Variants in GNA14 observed in about 807,000 individuals in gnomAD.
GNA14 encodes the protein G protein subunit alpha 14.
In GNA14, 50 loss-of-function variants were observed where a neutral mutation model predicts 42.0. The observed-to-expected ratio is 1.19, with a 90% CI of 0.95 to 1.51. The LOEUF (loss-of-function observed/expected upper bound fraction) is 1.51, where lower values mean the gene tolerates loss of function less well. Among genes scored for constraint, GNA14 ranks in the 40% most tolerant of loss-of-function variants. GNA14 has a pLI of 0.00. For missense variants in GNA14, 473 were observed against 446.2 expected (o/e 1.06, Z -0.54); for synonymous variants, 173 against 163.1 (o/e 1.06, Z -0.46).
In GNA14 at chr9:77,495,220, G is replaced by A. The variant is rs150241168; in HGVS notation, c.309+33849C>T. On this transcript the variant is annotated intron_variant, in intron 2 of 6. Transcript: ENST00000341700. ...GTAAGATGCCAGGCTGCTACACAGCGAATGGGCTGCCTTAGAGGAGTTGTG... is the reference window on the plus strand; with the variant it reads ...GTAAGATGCCAGGCTGCTACACAGCAAATGGGCTGCCTTAGAGGAGTTGTG... Among the ~76,000 whole-genome samples, 661 of 152,158 alleles carry A rather than the reference G, an allele frequency of 4.3e-3. 4 individuals carry two copies. Among genetic ancestry groups the A allele is most frequent in the African/African-American group, 0.015 (617 of 41,498 alleles).
At chr9:77,574,084 C>T (rs1468201540) in intron 1 of GNA14, among the ~76,000 whole-genome samples, 1 of 152,042 alleles carries the variant, frequency 6.6e-6, no homozygotes, top group East Asian at 1.9e-4. Flanking sequence ...GAGAAAGGAT[C>T]GCTTGAGGCC....
At chr9:77,532,463 C>T (rs559468899) in intron 1 of GNA14, among the ~76,000 whole-genome samples, 63 of 152,312 alleles carry the variant, frequency 4.1e-4, no homozygotes, top group African/African-American at 1.4e-3. Flanking sequence ...ATCAATCTGT[C>T]TTATAATGAC....
chr9:77,486,181 C>T (rs1398950718), intron 2 of GNA14, among the ~76,000 whole-genome samples: 1 of 152,230 alleles, frequency 6.6e-6, no homozygotes, highest in Non-Finnish European at 1.5e-5. Flanking sequence ...GGATAACTTG[C>T]TGCAGCTTCT....
At chr9:77,501,264 A>G (rs933469424) in intron 2 of GNA14, among the ~76,000 whole-genome samples, 1 of 152,042 alleles carries the variant, frequency 6.6e-6, no homozygotes, top group African/African-American at 2.4e-5. Context: ...TGCACTCTTA[A>G]TATAAGAAAC....
Position 77,535,034 on chromosome 9 carries a change from G to C in GNA14, c.125-5781C>G, listed in dbSNP as rs192435124. Among the ~76,000 whole-genome samples, 954 of 152,284 alleles carry C rather than the reference G, an allele frequency of 6.3e-3. 5 individuals carry two copies. The highest frequency in any genetic ancestry group is 0.01 in the Non-Finnish European group (706 of 68,020). ...AGGTTCCATTTCAGGGCTTTTTAAT[G>C]GGGGGATAAAGGACTTAAGAAAATT... On this transcript the variant is annotated intron_variant, in intron 1 of 6. Coordinates refer to ENST00000341700, the MANE Select transcript of GNA14 (RefSeq NM_004297.4).
intron 1 of GNA14, among the ~76,000 whole-genome samples, chr9:77,605,393 A>C (rs1823630933): frequency 6.6e-6 from 1 of 151,722 alleles, no homozygotes; most frequent in Admixed American, 6.5e-5. Context: ...GCTATCCTAC[A>C]ATATGGCACA....
intron 1 of GNA14, among the ~76,000 whole-genome samples, chr9:77,530,690 G>T (rs1837513622): frequency 6.6e-6 from 1 of 152,166 alleles, no homozygotes; most frequent in Admixed American, 6.5e-5. Context: ...TGATCTAAAG[G>T]GGACAAACAC....
chr9:77,523,230 G>A (rs562914754), intron 2 of GNA14, among the ~76,000 whole-genome samples: 7 of 152,266 alleles, frequency 4.6e-5, no homozygotes, highest in Non-Finnish European at 7.4e-5. Context: ...AAGAAAATAC[G>A]TTTAATTGGC....
intron 1 of GNA14, among the ~76,000 whole-genome samples, chr9:77,602,912 C>T (rs1331078725): frequency 1.3e-5 from 2 of 152,210 alleles, no homozygotes; most frequent in Admixed American, 6.5e-5. Flanking sequence ...TTTCATTTTG[C>T]ACTGGCCCCA....
At chr9:77,493,020 A>T (rs373430997) in intron 2 of GNA14, among the ~76,000 whole-genome samples, 10,441 of 76,604 alleles carry the variant, frequency 0.14, 393 homozygotes, top group East Asian at 0.3. Context: ...AAAAAAAAAA[A>T]AAAAAAATAT....
At chr9:77,520,601 T>C (rs1837341404) in intron 2 of GNA14, among the ~76,000 whole-genome samples, 2 of 152,262 alleles carry the variant, frequency 1.3e-5, no homozygotes, top group Non-Finnish European at 2.9e-5. Flanking sequence ...AGTCTTGCTC[T>C]GTTGCCCAGG....
At chr9:77,436,027 T>A (rs948128879) in intron 2 of GNA14, among the ~76,000 whole-genome samples, 14 of 152,312 alleles carry the variant, frequency 9.2e-5, no homozygotes, top group African/African-American at 3.4e-4. Flanking sequence ...AAAGTCACTT[T>A]TATTGTGCGT....
chr9:77,498,360 C>CA (rs768115636), intron 2 of GNA14, among the ~76,000 whole-genome samples: 40 of 49,968 alleles, frequency 8.0e-4, no homozygotes, highest in Non-Finnish European at 1.3e-3. Flanking sequence ...GCAACAAGAG[C>CA]AAAAGTCTGT....
intron 2 of GNA14, among the ~76,000 whole-genome samples, chr9:77,453,488 C>T (rs1835949446): frequency 6.6e-6 from 1 of 152,200 alleles, no homozygotes; most frequent in Non-Finnish European, 1.5e-5. Context: ...ACCTGAAAAT[C>T]TTTACATTCA....
chr9:77,507,781 T>C (rs973840171), intron 2 of GNA14, among the ~76,000 whole-genome samples: 1 of 152,138 alleles, frequency 6.6e-6, no homozygotes, highest in African/African-American at 2.4e-5. Context: ...GGTGCAATCT[T>C]GGCTCACTGC....
chr9:77,624,267 C>T (rs1206494157), intron 1 of GNA14, among the ~76,000 whole-genome samples: 1 of 152,216 alleles, frequency 6.6e-6, no homozygotes, highest in Admixed American at 6.5e-5. Flanking sequence ...GCAGAAGCAC[C>T]AGTCAGGGGC....
intron 2 of GNA14, among the ~76,000 whole-genome samples, chr9:77,520,062 G>A (rs868597036): frequency 5.3e-5 from 8 of 152,044 alleles, no homozygotes; most frequent in South Asian, 2.1e-4. Flanking sequence ...ATGCAACATA[G>A]CCATGCAATA....
intron 2 of GNA14, among the ~76,000 whole-genome samples, chr9:77,483,672 G>A (rs1413574929): frequency 6.6e-6 from 1 of 152,174 alleles, no homozygotes; most frequent in African/African-American, 2.4e-5. Flanking sequence ...CCCCAGAGGT[G>A]GAGCCTACAG....
chr9:77,428,338 C>G lies in GNA14; in HGVS notation c.723+569G>C, dbSNP rs144694876. 1.5e-3 allele frequency among the ~76,000 whole-genome samples: 232 copies of G among 152,196 alleles called. 1 individual carries two copies. Among genetic ancestry groups the G allele is most frequent in the African/African-American group, 5.1e-3 (211 of 41,536 alleles). ...TCGTGATCCACCTGCCTCGGCCTCC[C>G]AAAGTGCTGGGATTACAGGCGTGAG... is the stretch of plus-strand genomic sequence containing the variant. On this transcript the variant is annotated intron_variant, in intron 5 of 6. Coordinates refer to ENST00000341700, the MANE Select transcript of GNA14 (RefSeq NM_004297.4).
Sources: allele counts gnomAD v4.1 joint callset (sites outside exome capture counted in the v4.1 genomes callset), GRCh38; gene constraint gnomAD v4.1.1; transcripts MANE v1.5; gene names NCBI Gene and HGNC (gene_info 2026-07-23, HGNC 2026-07-21).